Variants in TTL observed in about 807,000 individuals in gnomAD.
The protein encoded by TTL is tubulin--tyrosine ligase.
A neutral mutation model predicts 41.1 loss-of-function variants in TTL; 10 were observed. The observed-to-expected ratio is 0.24, with a 90% CI of 0.15 to 0.41. The LOEUF is 0.41. Among genes scored for constraint, TTL ranks in the 10% least tolerant of loss-of-function variants. The pLI is 1.00. For missense variants in TTL, 367 were observed against 460.4 expected (o/e 0.80, Z 1.86); for synonymous variants, 175 against 175.5 (o/e 1.00, Z 0.02).
intron 1 of TTL, among the ~76,000 whole-genome samples, chr2:112,484,740 G>A (rs1210488232): frequency 6.6e-6 from 1 of 152,164 alleles, no homozygotes; most frequent in Non-Finnish European, 1.5e-5. Context: ...TAAGAATGTA[G>A]GCAGTTCAGG....
chr2:112,503,805 CTTTTTT>C (rs70963002), intron 5 of TTL, among the ~76,000 whole-genome samples: 32 of 102,546 alleles, frequency 3.1e-4, no homozygotes, highest in Middle Eastern at 7.0e-3. Context: ...CCGTAAACTT[CTTTTTT>C]TTTTTTTTTT....
In TTL at chr2:112,533,913, C is replaced by T. The variant is rs1331501666; in HGVS notation, c.*5118C>T. The T allele has an allele frequency of 6.6e-6, 1 of 152,126 alleles. No homozygotes were observed. The highest frequency in any genetic ancestry group is 1.5e-5 in the Non-Finnish European group (1 of 68,026). 9.4% of individuals were successfully genotyped at this position (152,126 alleles called of 1,614,324 possible). ...CTTGAAGATTGTTGCAAGCATAATT[C>T]CTTTCAAAAATTATGAGAGGACATC... is the stretch of plus-strand genomic sequence containing the variant. On this transcript the variant is annotated 3_prime_UTR_variant, in exon 7 of 7. Transcript: ENST00000233336.
rs1382202370 is a variant in TTL at position 112,493,626 on chromosome 2, C to CGTTAG, written c.237-516_237-512dup. Among the ~76,000 whole-genome samples the CGTTAG allele has an allele frequency of 2.0e-5, 3 of 152,240 alleles. No individual in the cohort carries two copies. The East Asian group carries it at 5.8e-4, about 29-fold the overall frequency. ...CTATGACCACTGGTGTCCTATGTTCCGTTAGAAAAATACCTTTTTTATTCT... is the reference window on the plus strand; with the variant it reads ...CTATGACCACTGGTGTCCTATGTTCCGTTAGGTTAGAAAAATACCTTTTTTATTCT... On this transcript the variant is annotated intron_variant, in intron 2 of 6. Transcript: ENST00000233336.
intron 6 of TTL, among the ~76,000 whole-genome samples, chr2:112,527,286 T>G (rs1320062363): frequency 3.3e-5 from 5 of 152,202 alleles, no homozygotes; most frequent in Non-Finnish European, 5.9e-5. Context: ...GGATGTAGAT[T>G]CTGTTGATTT....
At chr2:112,515,261 C>T (rs1682035836) in intron 5 of TTL, among the ~76,000 whole-genome samples, 1 of 152,192 alleles carries the variant, frequency 6.6e-6, no homozygotes, top group African/African-American at 2.4e-5. Flanking sequence ...TTTGTAAGGT[C>T]TGTGGGCAAA....
rs1392153352 is a variant in TTL at position 112,540,522 on chromosome 2, AAAG to A, written c.*11733_*11735del. On this transcript the variant is annotated 3_prime_UTR_variant, in exon 7 of 7. Transcript: ENST00000233336. ...TACAAAGGATCAAATAAATCTGGAG[AAAG>A]AAGAACAAAGTTGGAGGATGTGCAC... The A allele has an allele frequency of 2.0e-5, 3 of 152,250 alleles. No homozygotes were observed. The highest frequency in any genetic ancestry group is 2.9e-5 in the Non-Finnish European group (2 of 68,044). 9.4% of individuals were successfully genotyped at this position (152,250 alleles called of 1,614,324 possible).
rs201658370 is a variant in TTL at position 112,528,723 on chromosome 2, C to T, written c.1062C>T (p.Ala354=). Residue 354 remains alanine (A), a synonymous_variant, in exon 7 of 7, where the codon GCC becomes GCT. Transcript: ENST00000233336. The part of the protein sequence containing the change: ...AELCQGIVDI[A]ISSVFPPPDV... ...TGTGCCAAGGCATCGTGGACATAGC[C>T]ATTTCCAGTGTCTTCCCACCCCCAG... 2.4e-4 allele frequency: 391 copies of T among 1,614,040 alleles called. No homozygotes were observed. The highest frequency in any genetic ancestry group is 3.2e-4 in the Non-Finnish European group (375 of 1,180,024).
chr2:112,529,509 T>C lies in TTL; in HGVS notation c.*714T>C, dbSNP rs1357323370. The C allele has an allele frequency of 8.7e-6, 2 of 229,240 alleles. No individual in the cohort carries two copies. The highest frequency in any genetic ancestry group is 1.7e-5 in the Non-Finnish European group (2 of 115,316). The allele number at this position is 229,240 out of a possible 1,614,324, so 14.2% of individuals were successfully genotyped here. A position where few individuals can be genotyped will look rare whatever the true frequency, so the allele number is the denominator to read the frequency against. ...GAGAAAAAAACATGATATATTGCTT[T>C]ACTTAATAGGTTGAATATGGTAGGT... On this transcript the variant is annotated 3_prime_UTR_variant, in exon 7 of 7. Coordinates refer to ENST00000233336, the MANE Select transcript of TTL (RefSeq NM_153712.5).
intron 4 of TTL, among the ~76,000 whole-genome samples, chr2:112,502,684 T>A (rs1282780245): frequency 6.6e-6 from 1 of 152,074 alleles, no homozygotes; most frequent in Non-Finnish European, 1.5e-5. Flanking sequence ...TTGATCAAAT[T>A]TCCCTGTTAT....
intron 5 of TTL, among the ~76,000 whole-genome samples, chr2:112,516,804 G>A (rs1000588064): frequency 6.6e-6 from 1 of 152,116 alleles, no homozygotes; most frequent in African/African-American, 2.4e-5. Context: ...TTTCCTTACT[G>A]TATTCTCACG....
In TTL at chr2:112,535,846, C is replaced by G. The variant is rs1327089514; in HGVS notation, c.*7051C>G. On this transcript the variant is annotated 3_prime_UTR_variant, in exon 7 of 7. Transcript: ENST00000233336. ...TAGAGACAGAGTCTTGCTCTGTTGC[C>G]TAGGTTGGAGTCTAGTGGTGTAATG... 1 of 152,044 alleles carries G rather than the reference C, an allele frequency of 6.6e-6. No homozygotes were observed. Among genetic ancestry groups the G allele is most frequent in the Admixed American group, 6.5e-5 (1 of 15,274 alleles). 9.4% of individuals were successfully genotyped at this position (152,044 alleles called of 1,614,324 possible).
At position 112,514,391 on chromosome 2, in the gene TTL, A is replaced by C. The variant is rs1348500230; in HGVS notation, c.876-5891A>C. On this transcript the variant is annotated intron_variant, in intron 5 of 6. Coordinates refer to ENST00000233336, the MANE Select transcript of TTL (RefSeq NM_153712.5). Reference sequence around the variant, plus strand: ...AGCAAGACTCTGTTTCAAAAAAAAAAAAACTAATTTTTAGTAGTTTTTAAG... The same window carrying C: ...AGCAAGACTCTGTTTCAAAAAAAAACAAACTAATTTTTAGTAGTTTTTAAG... Among the ~76,000 whole-genome samples the C allele has an allele frequency of 3.3e-5, 5 of 152,148 alleles. 1 individual carries two copies. The highest frequency in any genetic ancestry group is 1.2e-4 in the African/African-American group (5 of 41,440).
Position 112,534,545 on chromosome 2 carries a change from C to G in TTL, c.*5750C>G, listed in dbSNP as rs965460365. On this transcript the variant is annotated 3_prime_UTR_variant, in exon 7 of 7. Transcript: ENST00000233336. ...CATTACCAGAGAATTGCCATTTGGC[C>G]TTTTTGGTAGTTCCATGTAAGTCCC... 1.3e-4 allele frequency: 20 copies of G among 152,406 alleles called. No individual in the cohort carries two copies. Among genetic ancestry groups the G allele is most frequent in the Admixed American group, 9.8e-4 (15 of 15,272 alleles). 9.4% of individuals were successfully genotyped at this position (152,406 alleles called of 1,614,324 possible). A position where few individuals can be genotyped will look rare whatever the true frequency, so the allele number is the denominator to read the frequency against.
chr2:112,482,622 G>C lies in TTL; in HGVS notation c.157+121G>C. ...TACATTTTCTCCTCTGTCGCTTGTC[G>C]GGCACATCAGAAACGGATTCGGAAA... On this transcript the variant is annotated intron_variant, in intron 1 of 6. Coordinates refer to ENST00000233336, the MANE Select transcript of TTL (RefSeq NM_153712.5). The surrounding 1 kb of genome is among the most constrained non-coding windows in gnomAD (Gnocchi z 5.3). 1 of 1,103,802 alleles carries C rather than the reference G, an allele frequency of 9.1e-7. No individual in the cohort carries two copies. The highest frequency in any genetic ancestry group is 1.2e-6 in the Non-Finnish European group (1 of 805,596). The allele number at this position is 1,103,802 out of a possible 1,614,324, so 68.4% of individuals were successfully genotyped here. A position where few individuals can be genotyped will look rare whatever the true frequency, so the allele number is the denominator to read the frequency against.
intron 5 of TTL, among the ~76,000 whole-genome samples, chr2:112,512,497 C>T (rs541325440): frequency 2.0e-5 from 3 of 152,152 alleles, no homozygotes; most frequent in South Asian, 2.1e-4. Flanking sequence ...CTCCTGACCT[C>T]GTGATCCGTC....
In TTL at chr2:112,494,362, A is replaced by G; in HGVS notation, c.456A>G (p.Ser152=). Residue 152 remains serine, a synonymous_variant, in exon 3 of 7, where the codon TCA becomes TCG. Coordinates refer to ENST00000233336, the MANE Select transcript of TTL (RefSeq NM_153712.5). ...GCAACGTTTGGATTGCAAAGTCATC[A>G]GCCGGTGCCAAAGGTGAGTTGGCAC... is the stretch of plus-strand genomic sequence containing the variant. ...GEGNVWIAKS[S]AGAKGEGILI... The G allele has an allele frequency of 6.2e-7, 1 of 1,613,900 alleles. No homozygotes were observed. The highest frequency in any genetic ancestry group is 8.5e-7 in the Non-Finnish European group (1 of 1,179,910).
chr2:112,524,882 T>C (rs1354966005), intron 6 of TTL, among the ~76,000 whole-genome samples: 1 of 152,234 alleles, frequency 6.6e-6, no homozygotes, highest in Non-Finnish European at 1.5e-5. Context: ...ATGTCCTGAA[T>C]GGTATTGCCT....
chr2:112,483,029 C>G (rs1035389853), intron 1 of TTL: 21 of 152,534 alleles, frequency 1.4e-4, no homozygotes, highest in African/African-American at 4.8e-4. Context: ...TGGAAAAGAC[C>G]CCCGGATTCC....
chr2:112,502,994 G>C lies in TTL; in HGVS notation c.688G>C (p.Val230Leu). The C allele has an allele frequency of 6.2e-7, 1 of 1,614,026 alleles. No homozygotes were observed. Among genetic ancestry groups the C allele is most frequent in the East Asian group, 2.2e-5 (1 of 44,856 alleles). Residue 230 changes from valine (V) to leucine (L), a missense_variant, in exon 5 of 7, where the codon GTT becomes CTT. Coordinates refer to ENST00000233336, the MANE Select transcript of TTL (RefSeq NM_153712.5). ...TCGGACTGCTTCAGAACCATATCAT[G>C]TTGATAATTTCCAAGACAAAACCTG... is the stretch of plus-strand genomic sequence containing the variant. ...VLRTASEPYH[V>L]DNFQDKTCHL...
Sources: allele counts gnomAD v4.1 joint callset (sites outside exome capture counted in the v4.1 genomes callset), GRCh38; gene constraint gnomAD v4.1.1; non-coding constraint Gnocchi (gnomAD v3.1); transcripts MANE v1.5; gene names NCBI Gene and HGNC (gene_info 2026-07-23, HGNC 2026-07-21).